OSBP2: variants seen among roughly 807,000 people sequenced by gnomAD.
OSBP2 encodes the protein oxysterol-binding protein 2.
In OSBP2, 66 loss-of-function variants were observed where a neutral mutation model predicts 96.0. The observed-to-expected ratio is 0.69, with a 90% CI of 0.56 to 0.84. OSBP2 has a LOEUF of 0.84. OSBP2 is among the 40% of genes least tolerant of loss of function. OSBP2 has a pLI of 0.00. For synonymous variants in OSBP2, 525 were observed against 520.9 expected, an observed-to-expected ratio of 1.01 and a Z score of -0.11; for missense variants, 1,038 against 1,222.7, an observed-to-expected ratio of 0.85 and a Z score of 2.25.
At chr22:30,707,809 G>T (rs1437181520) in intron 1 of OSBP2, among the ~76,000 whole-genome samples, 1 of 152,008 alleles carries the variant, frequency 6.6e-6, no homozygotes, top group Non-Finnish European at 1.5e-5. Context: ...TGCAGTAGCC[G>T]AGGGGGAGTC....
intron 2 of OSBP2, among the ~76,000 whole-genome samples, chr22:30,839,923 T>C (rs1331310885): frequency 2.6e-5 from 4 of 152,188 alleles, no homozygotes; most frequent in Non-Finnish European, 4.4e-5. Context: ...TGCCCATGCC[T>C]ATGTCCTGAA....
chr22:30,881,867 C>G lies in OSBP2; in HGVS notation c.1108-5559C>G. 3.9e-6 allele frequency: 5 copies of G among 1,282,488 alleles called. No individual in the cohort carries two copies. The highest frequency in any genetic ancestry group is 3.7e-5 in the South Asian group (3 of 80,014). The allele number at this position is 1,282,488 out of a possible 1,614,324, so 79.4% of individuals were successfully genotyped here. On this transcript the variant is annotated intron_variant, in intron 3 of 13. Transcript: ENST00000332585. This position sits in a 1 kb window ranked among gnomAD's most constrained non-coding sequence, Gnocchi z 4.5. ...GCATCCATGGGGTGACCAGGCAGCT[C>G]ATGTGCTGTGGGGGTAAAGGTCTTG...
At position 30,890,768 on chromosome 22, in the gene OSBP2, C is replaced by G. The variant is rs759061804; in HGVS notation, c.1664C>G (p.Thr555Arg). Residue 555 changes from threonine (T) to arginine (R), a missense_variant, in exon 8 of 14, where the codon ACA (threonine) becomes AGA (arginine). Thr to Arg is a moderately conservative substitution (Grantham distance 71). Transcript: ENST00000332585. The surrounding 1 kb of genome is among the most constrained non-coding windows in gnomAD (Gnocchi z 4.4). The stretch of plus-strand genomic sequence containing the variant: ...CCCCTGTCCATGCTCCAGCGGCTGA[C>G]AGAGGACCTGGAGTACCACCACCTG... ...NEPLSMLQRL[T>R]EDLEYHHLLD... 6.2e-7 allele frequency: 1 copy of G among 1,613,348 alleles called. No homozygotes were observed. Among genetic ancestry groups the G allele is most frequent in the Non-Finnish European group, 8.5e-7 (1 of 1,179,968 alleles).
chr22:30,854,003 C>A (rs1044023476), intron 2 of OSBP2, among the ~76,000 whole-genome samples: 8 of 152,144 alleles, frequency 5.3e-5, no homozygotes, highest in Non-Finnish European at 1.0e-4. Context: ...TCATCATCCG[C>A]CCACCTCGGC....
intron 12 of OSBP2, among the ~76,000 whole-genome samples, chr22:30,895,909 G>T: frequency 6.7e-6 from 1 of 149,662 alleles, no homozygotes; most frequent in East Asian, 2.0e-4. Context: ...CTGCACTCTA[G>T]CCTGGGAGGA....
At chr22:30,728,052 C>G (rs12160936) in intron 1 of OSBP2, among the ~76,000 whole-genome samples, 1 of 150,012 alleles carries the variant, frequency 6.7e-6, no homozygotes. Context: ...TGCCATGAGC[C>G]GAGATCACAC....
chr22:30,794,853 A>G (rs1169097338), intron 2 of OSBP2, among the ~76,000 whole-genome samples: 2 of 151,744 alleles, frequency 1.3e-5, no homozygotes, highest in African/African-American at 4.8e-5. Context: ...TTATTCATAC[A>G]TGTATACATT....
At chr22:30,822,757 G>T in intron 2 of OSBP2, 1 of 1,454,030 alleles carries the variant, frequency 6.9e-7, no homozygotes, top group Non-Finnish European at 9.3e-7. Context: ...GGCTCCCCGC[G>T]CATGCACGCC....
At chr22:30,761,270 G>A (rs1214201995) in intron 2 of OSBP2, among the ~76,000 whole-genome samples, 2 of 152,126 alleles carry the variant, frequency 1.3e-5, no homozygotes, top group Non-Finnish European at 2.9e-5. Context: ...AGAATACAAG[G>A]TCAGTACATA....
chr22:30,845,043 T>C (rs1483852298), intron 2 of OSBP2, among the ~76,000 whole-genome samples: 1 of 152,236 alleles, frequency 6.6e-6, no homozygotes, highest in Non-Finnish European at 1.5e-5. Flanking sequence ...TGATTAAGTC[T>C]GCCATCTTAT....
chr22:30,708,743 C>G (rs2089297050), intron 1 of OSBP2, among the ~76,000 whole-genome samples: 1 of 151,338 alleles, frequency 6.6e-6, no homozygotes, highest in South Asian at 2.1e-4. Flanking sequence ...CCACTTCAGC[C>G]TCCCAAAGTG....
At chr22:30,722,280 T>C (rs1381115375) in intron 1 of OSBP2, among the ~76,000 whole-genome samples, 2 of 152,360 alleles carry the variant, frequency 1.3e-5, no homozygotes, top group Non-Finnish European at 2.9e-5. Context: ...TTTTATTTTT[T>C]ATTTTGGAAA....
intron 2 of OSBP2, among the ~76,000 whole-genome samples, chr22:30,774,512 G>A (rs5994342): frequency 3.3e-5 from 5 of 152,202 alleles, no homozygotes; most frequent in African/African-American, 7.2e-5. Flanking sequence ...GGAGCAAAAG[G>A]TGTGTCCCTA....
At chr22:30,885,493 T>C (rs2039790590) in intron 3 of OSBP2, among the ~76,000 whole-genome samples, 1 of 152,230 alleles carries the variant, frequency 6.6e-6, no homozygotes, top group South Asian at 2.1e-4. Context: ...AGATTCTGGA[T>C]GTCTCAGTAG....
At chr22:30,898,862 TTAATAATAATAATAATAA>T (rs35162134) in intron 12 of OSBP2, among the ~76,000 whole-genome samples, 1 of 146,576 alleles carries the variant, frequency 6.8e-6, no homozygotes, top group African/African-American at 2.5e-5. Context: ...CATCTTTATA[TTAATAATAATAATAATAA>T]TAATAATAAA....
At chr22:30,756,186 A>C (rs2090138638) in intron 2 of OSBP2, among the ~76,000 whole-genome samples, 1 of 151,410 alleles carries the variant, frequency 6.6e-6, no homozygotes, top group African/African-American at 2.4e-5. Context: ...TTCCTTTCTC[A>C]CTTGGCCTCG....
At chr22:30,880,354 G>A (rs1005102647) in intron 3 of OSBP2, among the ~76,000 whole-genome samples, 1 of 152,252 alleles carries the variant, frequency 6.6e-6, no homozygotes, top group Non-Finnish European at 1.5e-5. Context: ...ATGCCTGGCA[G>A]GTCCTGGACC....
chr22:30,894,211 C>G, intron 12 of OSBP2: 1 of 570,956 alleles, frequency 1.8e-6, no homozygotes, highest in Non-Finnish European at 3.1e-6. Flanking sequence ...AGACTTTAAG[C>G]GAGGTGATAG....
intron 2 of OSBP2, among the ~76,000 whole-genome samples, chr22:30,772,667 C>T (rs1471373961): frequency 6.6e-6 from 1 of 152,222 alleles, no homozygotes; most frequent in African/African-American, 2.4e-5. Context: ...CTGGGTTTCC[C>T]TCTCCTCAGC....
Sources: gnomAD v4.1 joint callset for allele counts (sites outside exome capture counted in the v4.1 genomes callset) on GRCh38, gnomAD v4.1.1 for gene constraint, Gnocchi (gnomAD v3.1) non-coding constraint, MANE v1.5 for transcripts, NCBI Gene and HGNC (gene_info 2026-07-23, HGNC 2026-07-21) for gene names.